The following CNKSR2 variants were observed in gnomAD, a reference collection of about 807,000 sequenced individuals.
CNKSR2 encodes the protein CNK homolog protein 2.
In CNKSR2, 14 loss-of-function variants were observed where a neutral mutation model predicts 84.4. The ratio of observed to expected loss-of-function variants is 0.17; its 90% confidence interval spans 0.11 to 0.26. CNKSR2 has a LOEUF of 0.26. Among genes scored for constraint, CNKSR2 ranks in the 10% least tolerant of loss-of-function variants. The pLI is 1.00. For synonymous variants in CNKSR2, 275 were observed against 277.9 expected, an observed-to-expected ratio of 0.99 and a Z score of 0.10; for missense variants, 485 against 771.2, an observed-to-expected ratio of 0.63 and a Z score of 4.40.
chrX:21,471,741 C>A (rs1200691924), intron 5 of CNKSR2, among the ~76,000 whole-genome samples: 1 of 111,394 alleles, frequency 9.0e-6, no homozygotes, highest in African/African-American at 3.3e-5. Flanking sequence ...TCCTCTCCCC[C>A]TCATTGTGCA....
chrX:21,518,742 G>A (rs1378065873), intron 9 of CNKSR2, among the ~76,000 whole-genome samples: 1 of 111,676 alleles, frequency 9.0e-6, no homozygotes, highest in Non-Finnish European at 1.9e-5. Context: ...TGAGAAATGT[G>A]CCTCATCAGA....
At position 21,374,822 on chromosome X, in the gene CNKSR2, A is replaced by G; in HGVS notation, c.-76A>G. The G allele has an allele frequency of 2.1e-6, 2 of 933,963 alleles. No individual in the cohort carries two copies. The highest frequency in any genetic ancestry group is 1.9e-5 in the African/African-American group (1 of 52,471). 77.0% of individuals were successfully genotyped at this position (933,963 alleles called of 1,213,427 possible). On this transcript the variant is annotated 5_prime_UTR_variant, in exon 1 of 22. Coordinates refer to ENST00000379510, the MANE Select transcript of CNKSR2 (RefSeq NM_014927.5). Reference sequence around the variant, plus strand: ...GAGGCTGCGGCCAGCAAGGGACCCCACCTGAGAGCAGCTCGGGCTGCTGAG... The same window carrying G: ...GAGGCTGCGGCCAGCAAGGGACCCCGCCTGAGAGCAGCTCGGGCTGCTGAG...
At position 21,526,870 on chromosome X, in the gene CNKSR2, C is replaced by T; in HGVS notation, c.961C>T (p.Leu321Phe). ...MRWKPLALQP[L>F]IPRSPTSSVA... is the part of the protein sequence containing the mutation. The stretch of plus-strand genomic sequence containing the variant: ...TTTTCTTTTTCATTTTAACCAGCCT[C>T]TTATACCTAGAAGTCCCACAAGCAG... Residue 321 changes from leucine (L) to phenylalanine (F), a missense_variant, in exon 10 of 22, where the codon CTT (leucine) becomes TTT (phenylalanine). Physicochemically the swap from Leu to Phe is conservative, Grantham distance 22. Coordinates refer to ENST00000379510, the MANE Select transcript of CNKSR2 (RefSeq NM_014927.5). 1 of 1,203,075 alleles carries T rather than the reference C, an allele frequency of 8.3e-7. No individual in the cohort carries two copies. Among genetic ancestry groups the T allele is most frequent in the Non-Finnish European group, 1.1e-6 (1 of 889,740 alleles).
At chrX:21,577,441 T>C (rs2092326364) in intron 13 of CNKSR2, among the ~76,000 whole-genome samples, 1 of 111,645 alleles carries the variant, frequency 9.0e-6, no homozygotes, top group African/African-American at 3.3e-5. Context: ...AATACACAAA[T>C]TCTAATAACA....
chrX:21,573,562 C>A (rs1165369565), intron 13 of CNKSR2, among the ~76,000 whole-genome samples: 1 of 112,263 alleles, frequency 8.9e-6, no homozygotes, highest in Non-Finnish European at 1.9e-5. Flanking sequence ...GACTTCTGTG[C>A]ACATGCAGGC....
intron 5 of CNKSR2, among the ~76,000 whole-genome samples, chrX:21,485,725 A>G (rs2091376712): frequency 8.9e-6 from 1 of 112,021 alleles, no homozygotes; most frequent in African/African-American, 3.2e-5. Flanking sequence ...AGTCAGTTAA[A>G]CATTTATTTC....
At chrX:21,517,112 C>T (rs2147097292) in intron 9 of CNKSR2, among the ~76,000 whole-genome samples, 1 of 111,345 alleles carries the variant, frequency 9.0e-6, no homozygotes, top group African/African-American at 3.3e-5. Flanking sequence ...AAACTAGGCG[C>T]AGTGGCTCAC....
chrX:21,374,489 T>C lies in CNKSR2; in HGVS notation c.-409T>C. 2.7e-6 allele frequency: 1 copy of C among 373,949 alleles called. No homozygotes were observed. The highest frequency in any genetic ancestry group is 4.7e-6 in the Non-Finnish European group (1 of 211,232). 30.8% of individuals were successfully genotyped at this position (373,949 alleles called of 1,213,427 possible). On this transcript the variant is annotated 5_prime_UTR_variant, in exon 1 of 22. Coordinates refer to ENST00000379510, the MANE Select transcript of CNKSR2 (RefSeq NM_014927.5). ...GCGTGAGGCGAGCGGGCAAGTTGGC[T>C]GAGGGCGTGCGGCAGAGGCTGCTTC...
intron 4 of CNKSR2, among the ~76,000 whole-genome samples, chrX:21,453,581 A>T (rs1212630616): frequency 9.0e-6 from 1 of 111,717 alleles, no homozygotes; most frequent in Non-Finnish European, 1.9e-5. Flanking sequence ...TTCATATCTC[A>T]TGCCCTTGTT....
chrX:21,543,978 C>T (rs1236550404), intron 11 of CNKSR2, among the ~76,000 whole-genome samples: 2 of 111,033 alleles, frequency 1.8e-5, no homozygotes, highest in East Asian at 2.8e-4. Context: ...TGCATCACCA[C>T]GCCTGGCTAA....
intron 20 of CNKSR2, among the ~76,000 whole-genome samples, chrX:21,621,651 T>C (rs1029824676): frequency 8.1e-5 from 9 of 111,066 alleles, no homozygotes; most frequent in Middle Eastern, 4.6e-3. Flanking sequence ...TTTATATAGA[T>C]CCACCTAATA....
At chrX:21,417,504 G>T (rs752428491) in intron 1 of CNKSR2, among the ~76,000 whole-genome samples, 1 of 111,726 alleles carries the variant, frequency 9.0e-6, no homozygotes, top group South Asian at 3.7e-4. Context: ...AATGCTGAAA[G>T]TGGGGTGTTG....
chrX:21,561,290 C>T (rs1253579946), intron 11 of CNKSR2, among the ~76,000 whole-genome samples, 181 bp from the exon 12 acceptor site: 1 of 110,887 alleles, frequency 9.0e-6, no homozygotes, highest in African/African-American at 3.3e-5. Context: ...GCTTTATCAC[C>T]TGGCCAATAG....
intron 20 of CNKSR2, among the ~76,000 whole-genome samples, chrX:21,613,013 A>G (rs912817449): frequency 1.8e-5 from 2 of 112,349 alleles, no homozygotes; most frequent in Admixed American, 9.4e-5. Flanking sequence ...GTCAGCTTGC[A>G]TATTAATTGT....
chrX:21,599,630 G>A (rs2092470548), intron 17 of CNKSR2, among the ~76,000 whole-genome samples: 1 of 111,231 alleles, frequency 9.0e-6, no homozygotes, highest in Non-Finnish European at 1.9e-5. Flanking sequence ...CTCCCAAAGT[G>A]CTGGGATTAT....
intron 6 of CNKSR2, chrX:21,495,822 A>AC (rs2091492244): frequency 1.3e-5 from 1 of 75,877 alleles, no homozygotes; most frequent in Non-Finnish European, 2.7e-5. Context: ...AAAAAAAAAA[A>AC]CACGAAAAAT....
chrX:21,478,240 C>A (rs1444367967), intron 5 of CNKSR2, among the ~76,000 whole-genome samples: 1 of 111,410 alleles, frequency 9.0e-6, no homozygotes, highest in East Asian at 2.8e-4. Context: ...TCTTTGGTGT[C>A]ATATTATATT....
chrX:21,594,911 C>T, intron 15 of CNKSR2, 63 bp from the exon 16 acceptor site: 1 of 826,578 alleles, frequency 1.2e-6, no homozygotes, highest in Non-Finnish European at 1.8e-6. Context: ...GCCATAGTTA[C>T]AGAGTATCAT....
chrX:21,483,976 A>G (rs2147171357), intron 5 of CNKSR2, among the ~76,000 whole-genome samples: 1 of 112,295 alleles, frequency 8.9e-6, no homozygotes, highest in South Asian at 3.7e-4. Context: ...AATTATACTA[A>G]TATTCAAATA....
Sources: allele counts gnomAD v4.1 joint callset (sites outside exome capture counted in the v4.1 genomes callset), GRCh38; gene constraint gnomAD v4.1.1; transcripts MANE v1.5; gene names NCBI Gene and HGNC (gene_info 2026-07-23, HGNC 2026-07-21).